SDK1: variants seen among roughly 807,000 people sequenced by gnomAD.
SDK1 encodes the protein protein sidekick-1.
In SDK1, 157 loss-of-function variants were observed where a neutral mutation model predicts 245.5. The ratio of observed to expected loss-of-function variants is 0.64; its 90% confidence interval spans 0.56 to 0.73. SDK1 has a LOEUF of 0.73. Among genes scored for constraint, SDK1 ranks in the 30% least tolerant of loss-of-function variants. The probability of loss-of-function intolerance (pLI) is 0.00; values close to 1 mark genes in which losing one functional copy is unlikely to be tolerated. For synonymous variants in SDK1, 1,647 were observed against 1,278.5 expected (o/e 1.29, Z -6.15); for missense variants, 3,583 against 3,002.3 (o/e 1.19, Z -4.52).
At chr7:3,573,050 G>C (rs987355197) in intron 1 of SDK1, among the ~76,000 whole-genome samples, 2 of 152,052 alleles carry the variant, frequency 1.3e-5, no homozygotes, top group Non-Finnish European at 2.9e-5. Context: ...TGCAGCCCAG[G>C]CACAGCCAAG....
chr7:3,999,087 C>G (rs1784882059), intron 14 of SDK1, among the ~76,000 whole-genome samples: 2 of 152,112 alleles, frequency 1.3e-5, no homozygotes, highest in Admixed American at 6.5e-5. Context: ...TTAGAATATC[C>G]TTAAGCTCTC....
chr7:3,732,951 C>A (rs1375293176), intron 4 of SDK1, among the ~76,000 whole-genome samples: 1 of 152,152 alleles, frequency 6.6e-6, no homozygotes, highest in East Asian at 1.9e-4. Context: ...AGGGAGGCAA[C>A]CTAGTTTATA....
chr7:3,854,025 G>T (rs1420382005), intron 5 of SDK1, among the ~76,000 whole-genome samples: 6 of 151,994 alleles, frequency 3.9e-5, no homozygotes, highest in Non-Finnish European at 8.8e-5. Context: ...AGCATTTTTT[G>T]ATTTTTAGAT....
chr7:3,780,712 G>A (rs945874652), intron 4 of SDK1, among the ~76,000 whole-genome samples: 1 of 152,080 alleles, frequency 6.6e-6, no homozygotes, highest in African/African-American at 2.4e-5. Context: ...CACCTAGCTA[G>A]AAAGCCCACC....
At chr7:4,122,508 G>T (rs560229808) in intron 25 of SDK1, among the ~76,000 whole-genome samples, 1 of 152,154 alleles carries the variant, frequency 6.6e-6, no homozygotes, top group Non-Finnish European at 1.5e-5. Flanking sequence ...CTGAAAACAC[G>T]CAGAGAACAC....
chr7:4,027,984 A>C (rs1288219991), intron 17 of SDK1, among the ~76,000 whole-genome samples: 1 of 151,870 alleles, frequency 6.6e-6, no homozygotes, highest in African/African-American at 2.4e-5. Context: ...GGAGAGAGGG[A>C]AGAAAGAAAG....
chr7:3,453,421 A>C (rs1303350408), intron 1 of SDK1, among the ~76,000 whole-genome samples: 2 of 152,284 alleles, frequency 1.3e-5, no homozygotes, highest in East Asian at 3.9e-4. Context: ...GTCTTCGCAG[A>C]TGTAATTAAA....
intron 1 of SDK1, among the ~76,000 whole-genome samples, chr7:3,577,807 G>C (rs1464850954): frequency 6.6e-6 from 1 of 151,966 alleles, no homozygotes; most frequent in African/African-American, 2.4e-5. Flanking sequence ...CATGTTAGAA[G>C]CTTCCTGAGG....
intron 32 of SDK1, among the ~76,000 whole-genome samples, chr7:4,167,602 A>G (rs555790654): frequency 6.6e-6 from 1 of 152,228 alleles, no homozygotes; most frequent in African/African-American, 2.4e-5. Flanking sequence ...GTCATGTTGA[A>G]CTCCGGCAAG....
chr7:4,068,078 G>C (rs78772272), intron 20 of SDK1, 142 bp downstream of exon 20: 2 of 629,986 alleles, frequency 3.2e-6, no homozygotes, highest in Admixed American at 5.6e-5. Flanking sequence ...CTTCCTGGCC[G>C]TGTGGCAGAG....
intron 5 of SDK1, among the ~76,000 whole-genome samples, chr7:3,856,481 TAAAAAA>T (rs34024559): frequency 1.1e-4 from 13 of 119,240 alleles, no homozygotes; most frequent in African/African-American, 3.5e-4. Flanking sequence ...CAGGTAATGT[TAAAAAA>T]AAAAAAAAAA....
chr7:3,636,843 C>T (rs534488143), intron 2 of SDK1, among the ~76,000 whole-genome samples: 67 of 152,196 alleles, frequency 4.4e-4, no homozygotes, highest in African/African-American at 1.5e-3. Context: ...TTGTCAGCAA[C>T]ATGTGTTTTT....
At chr7:3,402,201 T>C in intron 1 of SDK1, among the ~76,000 whole-genome samples, 1 of 152,144 alleles carries the variant, frequency 6.6e-6, no homozygotes, top group East Asian at 1.9e-4. Context: ...CAGTAGGATA[T>C]GTGGAGGATA....
At chr7:3,656,059 C>G (rs187185217) in intron 4 of SDK1, among the ~76,000 whole-genome samples, 11 of 152,290 alleles carry the variant, frequency 7.2e-5, no homozygotes, top group Non-Finnish European at 1.5e-4. Flanking sequence ...CTCCAATTGT[C>G]TACATGAGCA....
At chr7:3,399,883 C>T (rs1778840337) in intron 1 of SDK1, among the ~76,000 whole-genome samples, 1 of 152,148 alleles carries the variant, frequency 6.6e-6, no homozygotes. Context: ...TGGCTGGACT[C>T]TTGGCTGCCC....
At chr7:3,401,094 G>A (rs988279553) in intron 1 of SDK1, among the ~76,000 whole-genome samples, 6 of 152,128 alleles carry the variant, frequency 3.9e-5, no homozygotes, top group East Asian at 1.9e-4. Flanking sequence ...AATGTGTCCT[G>A]ATGGATTTAG....
chr7:3,538,473 T>C (rs1778959565), intron 1 of SDK1, among the ~76,000 whole-genome samples: 1 of 152,216 alleles, frequency 6.6e-6, no homozygotes, highest in Admixed American at 6.5e-5. Context: ...AATTTCCTTA[T>C]TTACCGTGAA....
At chr7:4,261,715 G>C (rs142189919) in intron 44 of SDK1, among the ~76,000 whole-genome samples, 2 of 152,288 alleles carry the variant, frequency 1.3e-5, no homozygotes, top group African/African-American at 4.8e-5. Flanking sequence ...TTTCAAGGCC[G>C]CTCACTCTTT....
At chr7:3,741,305 C>T (rs1172472524) in intron 4 of SDK1, among the ~76,000 whole-genome samples, 1 of 152,196 alleles carries the variant, frequency 6.6e-6, no homozygotes, top group Admixed American at 6.5e-5. Context: ...ACCTCCCTCA[C>T]TGGCACACTA....
Sources: gnomAD v4.1 joint callset for allele counts (sites outside exome capture counted in the v4.1 genomes callset) on GRCh38, gnomAD v4.1.1 for gene constraint, MANE v1.5 for transcripts, NCBI Gene and HGNC (gene_info 2026-07-23, HGNC 2026-07-21) for gene names.